The following PCSK6 variants were observed in gnomAD, a reference collection of about 807,000 sequenced individuals.
PCSK6 encodes paired basic amino acid cleaving enzyme 4.
A neutral mutation model predicts 123.3 loss-of-function variants in PCSK6; 85 were observed. The ratio of observed to expected loss-of-function variants is 0.69; its 90% CI spans 0.58 to 0.83. The LOEUF (loss-of-function observed/expected upper bound fraction) is 0.83. Among genes scored for constraint, PCSK6 ranks in the 40% least tolerant of loss-of-function variants. The probability of loss-of-function intolerance (pLI) is 0.00; values close to 1 mark genes in which losing one functional copy is unlikely to be tolerated. For missense variants in PCSK6, 1,191 were observed against 1,282.3 expected (o/e 0.93, Z 1.09); for synonymous variants, 508 against 516.0 (o/e 0.98, Z 0.21).
chr15:101,460,512 T>C (rs2057317514), intron 1 of PCSK6, among the ~76,000 whole-genome samples: 1 of 152,104 alleles, frequency 6.6e-6, no homozygotes, highest in Non-Finnish European at 1.5e-5. Flanking sequence ...AAAAAGCCAA[T>C]GGCAGTGGAA....
At chr15:101,449,601 C>T (rs1460737512) in intron 1 of PCSK6, among the ~76,000 whole-genome samples, 5 of 152,170 alleles carry the variant, frequency 3.3e-5, no homozygotes, top group African/African-American at 4.8e-5. Flanking sequence ...ATCTATGGCT[C>T]GCCACCTTCG....
At chr15:101,489,205 AC>A (rs1167204211) in intron 1 of PCSK6, among the ~76,000 whole-genome samples, 168 bp downstream of exon 1, 98 of 19,286 alleles carry the variant, frequency 5.1e-3, no homozygotes, top group African/African-American at 0.014. Context: ...CCCGGGCGAC[AC>A]CCCCCCCCGC....
intron 1 of PCSK6, among the ~76,000 whole-genome samples, chr15:101,472,913 CT>C (rs1398855159): frequency 6.6e-6 from 1 of 152,218 alleles, no homozygotes; most frequent in Non-Finnish European, 1.5e-5. Context: ...GGTTTGAGAG[CT>C]GCCCTTCCCT....
At chr15:101,373,131 T>A (rs1282123814) in intron 11 of PCSK6, among the ~76,000 whole-genome samples, 2 of 152,138 alleles carry the variant, frequency 1.3e-5, no homozygotes, top group Non-Finnish European at 2.9e-5. Flanking sequence ...CTGACTTTTT[T>A]ATTCCTGCTA....
intron 1 of PCSK6, among the ~76,000 whole-genome samples, chr15:101,466,471 AT>A (rs1555463789): frequency 6.6e-6 from 1 of 152,200 alleles, no homozygotes; most frequent in Non-Finnish European, 1.5e-5. Context: ...GAGCTGCCAT[AT>A]GACTCAGCCA....
intron 1 of PCSK6, among the ~76,000 whole-genome samples, chr15:101,443,888 A>G (rs961773284): frequency 1.3e-5 from 2 of 152,248 alleles, no homozygotes; most frequent in African/African-American, 4.8e-5. Flanking sequence ...CATATTTCCC[A>G]TGGACCACAT....
Position 101,489,366 on chromosome 15 carries a change from G to A in PCSK6, c.297+8C>T, listed in dbSNP as rs1025142961. ...AAGTTTTGGGCGCGCGGGGCCGGCCGCACTCACCTGGCCCAAGTTGAGGTA... is the reference window on the plus strand; with the variant it reads ...AAGTTTTGGGCGCGCGGGGCCGGCCACACTCACCTGGCCCAAGTTGAGGTA... On this transcript the variant is annotated splice_region_variant and intron_variant, in intron 1 of 21. Coordinates refer to ENST00000611716, the MANE Select transcript of PCSK6 (RefSeq NM_002570.5). The A allele has an allele frequency of 4.2e-6, 5 of 1,183,862 alleles. No homozygotes were observed. Among genetic ancestry groups the A allele is most frequent in the African/African-American group, 1.7e-5 (1 of 59,704 alleles). The allele number at this position is 1,183,862 out of a possible 1,614,324, so 73.3% of individuals were successfully genotyped here. A position where few individuals can be genotyped will look rare whatever the true frequency, so the allele number is the denominator to read the frequency against.
chr15:101,457,967 C>A (rs557893314), intron 1 of PCSK6, among the ~76,000 whole-genome samples: 1 of 152,178 alleles, frequency 6.6e-6, no homozygotes, highest in Non-Finnish European at 1.5e-5. Flanking sequence ...TTGCTTACCC[C>A]CTACCAGCGC....
intron 6 of PCSK6, among the ~76,000 whole-genome samples, chr15:101,409,554 C>T (rs1399495111): frequency 6.7e-6 from 1 of 148,300 alleles, no homozygotes; most frequent in African/African-American, 2.5e-5. Flanking sequence ...CACTGCACTC[C>T]AGCCTGGGCG....
Position 101,318,322 on chromosome 15 carries a change from C to T in PCSK6, c.2566G>A (p.Val856Met), listed in dbSNP as rs778468256. 7.7e-6 allele frequency: 12 copies of T among 1,555,078 alleles called. No homozygotes were observed. The highest frequency in any genetic ancestry group is 6.8e-5 in the African/African-American group (5 of 73,178). The change falls in exon 19 of 22, where the codon GTG (valine) becomes ATG (methionine). Residue 856 changes from valine (V) to methionine (M), a missense_variant. Physicochemically the swap from Val to Met is conservative, Grantham distance 21. Around this residue, in one of 3 missense-constraint regions of PCSK6, gnomAD observed 630 missense variants for 631.4 expected, o/e 1.00. Transcript: ENST00000611716. The stretch of plus-strand genomic sequence containing the variant: ...CCTCCGCAGGCGGTGAACTCACCCA[C>T]GCAGGTTCCGCAGGTGTGATGGCAT... ...GECHHTCGTCVGPGREECIHC... is the reference protein window; with the variant it reads ...GECHHTCGTCMGPGREECIHC...
rs147496529 is a variant in PCSK6 at position 101,382,896 on chromosome 15, C to T, written c.1415-687G>A. 4.9e-3 allele frequency among the ~76,000 whole-genome samples: 749 copies of T among 152,214 alleles called. 1 individual carries two copies. Among genetic ancestry groups the T allele is most frequent in the South Asian group, 0.017 (80 of 4,812 alleles). ...TACACCACTACCACCGACATTCCTGCAAAACAAAGATGAACTAGCCCAATC... is the reference window on the plus strand; with the variant it reads ...TACACCACTACCACCGACATTCCTGTAAAACAAAGATGAACTAGCCCAATC... On this transcript the variant is annotated intron_variant, in intron 10 of 21. Coordinates refer to ENST00000611716, the MANE Select transcript of PCSK6 (RefSeq NM_002570.5).
At chr15:101,440,290 G>A (rs1385372698) in intron 2 of PCSK6, among the ~76,000 whole-genome samples, 8 of 152,152 alleles carry the variant, frequency 5.3e-5, no homozygotes, top group Admixed American at 3.9e-4. Context: ...TTTCAAAGAC[G>A]GTAAGAAAAA....
intron 20 of PCSK6, among the ~76,000 whole-genome samples, chr15:101,310,769 A>G (rs2039838809): frequency 6.6e-6 from 1 of 152,010 alleles, no homozygotes; most frequent in Non-Finnish European, 1.5e-5. Context: ...ATAGGTTACA[A>G]CCCACAGTGG....
intron 2 of PCSK6, among the ~76,000 whole-genome samples, chr15:101,440,476 T>G (rs1162120519): frequency 6.6e-6 from 1 of 152,244 alleles, no homozygotes; most frequent in Non-Finnish European, 1.5e-5. Flanking sequence ...TATCTGCTTT[T>G]ATGTGACATG....
chr15:101,412,252 A>C (rs1432828988), intron 6 of PCSK6, among the ~76,000 whole-genome samples: 1 of 152,230 alleles, frequency 6.6e-6, no homozygotes, highest in Non-Finnish European at 1.5e-5. Context: ...GCAAAAATGT[A>C]CAGGTTTCAA....
At chr15:101,347,694 A>T (rs754558392) in intron 13 of PCSK6, 2 of 1,606,890 alleles carry the variant, frequency 1.2e-6, no homozygotes, top group Non-Finnish European at 1.7e-6. Flanking sequence ...GGCTTTGGTC[A>T]TCTGTCCCTC....
chr15:101,364,868 A>G (rs1035101356), intron 13 of PCSK6: 5 of 592,256 alleles, frequency 8.4e-6, no homozygotes, highest in Admixed American at 6.6e-5. Context: ...AGAAAGAACC[A>G]CCAAGTTGGA....
chr15:101,461,784 C>G (rs2057345718), intron 1 of PCSK6, among the ~76,000 whole-genome samples: 1 of 152,156 alleles, frequency 6.6e-6, no homozygotes, highest in South Asian at 2.1e-4. Flanking sequence ...TGATTAAAAA[C>G]TCTTAGCAAA....
At chr15:101,388,067 T>G (rs1008409419) in intron 9 of PCSK6, among the ~76,000 whole-genome samples, 14 of 152,206 alleles carry the variant, frequency 9.2e-5, no homozygotes, top group Non-Finnish European at 1.8e-4. Flanking sequence ...GGAGCAGGGT[T>G]TGTTTTCCAT....
Sources: gnomAD v4.1 joint callset for allele counts (sites outside exome capture counted in the v4.1 genomes callset) on GRCh38, gnomAD v4.1.1 for gene constraint, gnomAD v4.1.1 regional missense constraint, MANE v1.5 for transcripts, NCBI Gene and HGNC (gene_info 2026-07-23, HGNC 2026-07-21) for gene names.